The following WDR72 variants were observed in gnomAD, a reference collection of about 807,000 sequenced individuals.
WDR72 encodes WD repeat-containing protein 72.
A neutral mutation model predicts 124.2 loss-of-function variants in WDR72; 120 were observed. That is an observed-to-expected ratio of 0.97 (90% CI 0.83 to 1.12). The LOEUF (loss-of-function observed/expected upper bound fraction) is 1.12, where lower values mean the gene tolerates loss of function less well. WDR72 is among the 50% of genes most tolerant of loss of function. The probability of loss-of-function intolerance (pLI) is 0.00; values close to 1 mark genes in which losing one functional copy is unlikely to be tolerated. For missense variants in WDR72, 1,387 were observed against 1,278.8 expected, an observed-to-expected ratio of 1.08 and a Z score of -1.29; for synonymous variants, 452 against 441.7, an observed-to-expected ratio of 1.02 and a Z score of -0.29.
At chr15:53,594,312 G>T (rs920179919) in intron 18 of WDR72, among the ~76,000 whole-genome samples, 1 of 147,222 alleles carries the variant, frequency 6.8e-6, no homozygotes, top group East Asian at 2.0e-4. Context: ...AAGAAAAAAA[G>T]AAATTAAGAA....
intron 18 of WDR72, among the ~76,000 whole-genome samples, chr15:53,531,603 A>G (rs1357679444): frequency 6.6e-6 from 1 of 152,078 alleles, no homozygotes; most frequent in African/African-American, 2.4e-5. Flanking sequence ...TACATAAGCT[A>G]CTGACATCTA....
At chr15:53,600,861 T>C (rs147589192) in intron 17 of WDR72, among the ~76,000 whole-genome samples, 29 of 152,198 alleles carry the variant, frequency 1.9e-4, no homozygotes, top group African/African-American at 7.0e-4. Context: ...ACTGGAAACA[T>C]GCAAATTAGC....
chr15:53,682,973 T>TA (rs2016450994), intron 13 of WDR72, among the ~76,000 whole-genome samples: 2 of 152,152 alleles, frequency 1.3e-5, no homozygotes. Context: ...TCAGGAAACT[T>TA]ACAGTTATGG....
Position 53,752,847 on chromosome 15 carries a change from C to A in WDR72, c.-13+6786G>T, listed in dbSNP as rs192432149. 1.5e-3 allele frequency among the ~76,000 whole-genome samples: 226 copies of A among 152,178 alleles called. 2 individuals are homozygous for A. Among genetic ancestry groups the A allele is most frequent in the Admixed American group, 8.4e-3 (128 of 15,274 alleles). On this transcript the variant is annotated intron_variant, in intron 1 of 19. Coordinates refer to ENST00000360509, the MANE Select transcript of WDR72 (RefSeq NM_182758.4). The stretch of plus-strand genomic sequence containing the variant: ...CTCTACCTCTTTGTGTAATAAATCT[C>A]CTTTCCATCTACATTATCGGCTCCT...
At chr15:53,597,833 G>C (rs1403958982) in intron 17 of WDR72, among the ~76,000 whole-genome samples, 1 of 152,104 alleles carries the variant, frequency 6.6e-6, no homozygotes, top group African/African-American at 2.4e-5. Flanking sequence ...TGTGTGCCCA[G>C]TCAAGGACCT....
In WDR72 at chr15:53,517,271, A is replaced by G. The variant is rs978365349; in HGVS notation, c.*428T>C. 3.6e-5 allele frequency: 6 copies of G among 165,652 alleles called. No individual in the cohort carries two copies. The highest frequency in any genetic ancestry group is 1.2e-4 in the African/African-American group (5 of 41,566). The allele number at this position is 165,652 out of a possible 1,614,324, so 10.3% of individuals were successfully genotyped here. On this transcript the variant is annotated 3_prime_UTR_variant, in exon 20 of 20. Transcript: ENST00000360509. ...ATCAAAGTTGGTAAAATTTTAGATT[A>G]AATACCTTGAAGCAGTATTAAATTT... is the stretch of plus-strand genomic sequence containing the variant.
chr15:53,524,907 T>C (rs935076118), intron 18 of WDR72, among the ~76,000 whole-genome samples: 1 of 152,036 alleles, frequency 6.6e-6, no homozygotes, highest in East Asian at 1.9e-4. Flanking sequence ...AATGAACACA[T>C]GAATGATGCA....
At chr15:53,616,278 T>G (rs956478751) in intron 14 of WDR72, 35 bp from the exon 15 acceptor site, 1 of 1,541,106 alleles carries the variant, frequency 6.5e-7, no homozygotes, top group African/African-American at 1.4e-5. Flanking sequence ...TCAAAGTTCT[T>G]GCTTATTATT....
intron 12 of WDR72, among the ~76,000 whole-genome samples, chr15:53,701,666 C>T (rs112197999): frequency 0.045 from 6,809 of 152,040 alleles, 538 homozygotes; most frequent in African/African-American, 0.16. Context: ...CTCTGTTGCC[C>T]AGGCTGGAAT....
At chr15:53,548,598 A>G (rs927896404) in intron 18 of WDR72, among the ~76,000 whole-genome samples, 1 of 151,500 alleles carries the variant, frequency 6.6e-6, no homozygotes, top group South Asian at 2.1e-4. Context: ...TGAGGGAACT[A>G]TCTGTAGTGA....
chr15:53,662,226 T>C (rs765542958), intron 14 of WDR72, among the ~76,000 whole-genome samples: 5 of 152,166 alleles, frequency 3.3e-5, no homozygotes, highest in African/African-American at 4.8e-5. Flanking sequence ...TTCCTTTAAA[T>C]CCTTTATGAC....
chr15:53,537,642 T>A (rs181682779), intron 18 of WDR72, among the ~76,000 whole-genome samples: 3 of 152,272 alleles, frequency 2.0e-5, no homozygotes. Context: ...ACATGTAAAG[T>A]GCTCAGCCTA....
chr15:53,705,304 C>T (rs183477485), intron 10 of WDR72, 71 bp from the exon 11 acceptor site: 3 of 1,421,804 alleles, frequency 2.1e-6, no homozygotes, highest in South Asian at 2.3e-5. Flanking sequence ...AATATCAAGG[C>T]ACCCTCCCTT....
intron 18 of WDR72, among the ~76,000 whole-genome samples, chr15:53,578,223 T>C (rs2011716296): frequency 6.6e-6 from 1 of 152,106 alleles, no homozygotes; most frequent in Non-Finnish European, 1.5e-5. Flanking sequence ...CACAGTCTCA[T>C]TGCAGCAGAA....
chr15:53,546,422 C>G (rs1045590670), intron 18 of WDR72, among the ~76,000 whole-genome samples: 10 of 150,346 alleles, frequency 6.7e-5, no homozygotes, highest in African/African-American at 2.2e-4. Context: ...GAACAAAAAA[C>G]CAAACACCGC....
chr15:53,687,786 T>C (rs1462284964), intron 13 of WDR72, among the ~76,000 whole-genome samples: 3 of 149,192 alleles, frequency 2.0e-5, no homozygotes, highest in Non-Finnish European at 4.4e-5. Flanking sequence ...CCAATATCCT[T>C]GATGAACATT....
intron 19 of WDR72, among the ~76,000 whole-genome samples, chr15:53,521,578 T>C (rs1891798043): frequency 6.6e-6 from 1 of 152,108 alleles, no homozygotes; most frequent in South Asian, 2.1e-4. Context: ...CTAATTAATC[T>C]TTCTTTCTTG....
At position 53,514,639 on chromosome 15, in the gene WDR72, C is replaced by T. The variant is rs1450500817; in HGVS notation, c.*3060G>A. 6.6e-6 allele frequency: 1 copy of T among 152,098 alleles called. No individual in the cohort carries two copies. The highest frequency in any genetic ancestry group is 1.9e-4 in the East Asian group (1 of 5,184). 9.4% of individuals were successfully genotyped at this position (152,098 alleles called of 1,614,324 possible). The stretch of plus-strand genomic sequence containing the variant: ...TTTTCTAATACCATCATGTTCAAAG[C>T]AGCCTTAATTTAGTTTCTAAAATAG... On this transcript the variant is annotated 3_prime_UTR_variant, in exon 20 of 20. Coordinates refer to ENST00000360509, the MANE Select transcript of WDR72 (RefSeq NM_182758.4).
intron 18 of WDR72, among the ~76,000 whole-genome samples, chr15:53,550,759 A>T (rs549949236): frequency 8.1e-4 from 123 of 152,338 alleles, no homozygotes; most frequent in African/African-American, 3.0e-3. Flanking sequence ...GAATGACAGC[A>T]TCATTAATTC....
Sources: gnomAD v4.1 joint callset for allele counts (sites outside exome capture counted in the v4.1 genomes callset) on GRCh38, gnomAD v4.1.1 for gene constraint, MANE v1.5 for transcripts, NCBI Gene and HGNC (gene_info 2026-07-23, HGNC 2026-07-21) for gene names.